DNAH11: variants seen among roughly 807,000 people sequenced by gnomAD.
DNAH11 encodes the protein axonemal beta dynein heavy chain 11.
Under a neutral mutation model 526.0 loss-of-function variants are expected in DNAH11, and 442 were observed. The observed-to-expected ratio is 0.84, with a 90% CI of 0.78 to 0.91. DNAH11 has a LOEUF of 0.91. Ranked by LOEUF, DNAH11 falls within the 40% of genes least tolerant of loss-of-function variation. The pLI is 0.00. For synonymous variants in DNAH11, 2,461 were observed against 1,935.9 expected (o/e 1.27, Z -7.12); for missense variants, 6,989 against 5,448.7 (o/e 1.28, Z -8.90).
chr7:21,630,904 A>G (rs1786571906), intron 25 of DNAH11, among the ~76,000 whole-genome samples: 2 of 152,146 alleles, frequency 1.3e-5, no homozygotes, highest in African/African-American at 2.4e-5. Context: ...TATCTTGTAG[A>G]CAATCTTCAC....
chr7:21,901,013 G>T lies in DNAH11; in HGVS notation c.13310G>T (p.Arg4437Leu), dbSNP rs775606157. The change falls in exon 82 of 82, where the codon CGC (arginine) becomes CTC (leucine). Residue 4437 changes from arginine (R) to leucine (L), a missense_variant. Arg to Leu is a moderately radical substitution (Grantham distance 102, BLOSUM62 -2). Coordinates refer to ENST00000409508, the MANE Select transcript of DNAH11 (RefSeq NM_001277115.2). ...YLHGLFMEGA[R>L]WDTQAGTIVE... ...CGCTGTGTTTTTGCCATAGGCGCCC[G>T]CTGGGACACCCAAGCAGGAACCATT... 7 of 1,591,276 alleles carry T rather than the reference G, an allele frequency of 4.4e-6. No individual in the cohort carries two copies. Among genetic ancestry groups the T allele is most frequent in the Non-Finnish European group, 6.0e-6 (7 of 1,168,448 alleles).
intron 40 of DNAH11, among the ~76,000 whole-genome samples, chr7:21,709,733 C>G (rs951012002): frequency 3.3e-5 from 5 of 152,068 alleles, no homozygotes; most frequent in Admixed American, 3.3e-4. Flanking sequence ...GGGAGAGAAT[C>G]GTATCTGTTT....
At chr7:21,605,167 C>G (rs1461122710) in intron 18 of DNAH11, among the ~76,000 whole-genome samples, 1 of 152,164 alleles carries the variant, frequency 6.6e-6, no homozygotes, top group Non-Finnish European at 1.5e-5. Context: ...AGTATTTAGA[C>G]CTAGCACAGT....
chr7:21,872,135 A>AAAAAAAAAAAC (rs1783523066), intron 73 of DNAH11, among the ~76,000 whole-genome samples: 1 of 137,242 alleles, frequency 7.3e-6, no homozygotes, highest in African/African-American at 2.9e-5. Context: ...AAAAAAAAAA[A>AAAAAAAAAAAC]AAAAAAAAAA....
intron 35 of DNAH11, 141 bp downstream of exon 35, chr7:21,691,022 CAG>C: frequency 1.6e-6 from 1 of 627,384 alleles, no homozygotes; most frequent in Non-Finnish European, 2.8e-6. Flanking sequence ...CTTTTATAGA[CAG>C]AACTTTCACC....
chr7:21,606,548 C>G lies in DNAH11; in HGVS notation c.3765+6C>G, dbSNP rs754512884. Reference sequence around the variant, plus strand: ...AAAAATGTATTTTGTTTGACGTAAGCTAGTTACCAAGTTTTTGTTTTAAGA... The same window carrying G: ...AAAAATGTATTTTGTTTGACGTAAGGTAGTTACCAAGTTTTTGTTTTAAGA... On this transcript the variant is annotated splice_donor_region_variant and intron_variant, in intron 19 of 81. Coordinates refer to ENST00000409508, the MANE Select transcript of DNAH11 (RefSeq NM_001277115.2). 1.1e-5 allele frequency: 18 copies of G among 1,599,672 alleles called. No individual in the cohort carries two copies. Among genetic ancestry groups the G allele is most frequent in the Admixed American group, 1.7e-5 (1 of 58,042 alleles).
intron 60 of DNAH11, among the ~76,000 whole-genome samples, chr7:21,787,931 T>C (rs1788264143): frequency 6.6e-6 from 1 of 152,214 alleles, no homozygotes; most frequent in African/African-American, 2.4e-5. Flanking sequence ...AAATGAAATG[T>C]AGCGCCTGCT....
intron 42 of DNAH11, among the ~76,000 whole-genome samples, chr7:21,716,610 C>T (rs533682523): frequency 2.6e-5 from 4 of 152,302 alleles, no homozygotes; most frequent in Non-Finnish European, 5.9e-5. Flanking sequence ...AAAGATTCCA[C>T]TTTCCACTCT....
chr7:21,723,564 A>AT lies in DNAH11; in HGVS notation c.7267-2241dup, dbSNP rs140320435. ...CATCATCCACTCAGCAGTCAGGGTG[A>AT]TTTTTTGAAATGCACGTGAAATCCT... On this transcript the variant is annotated intron_variant, in intron 44 of 81. Coordinates refer to ENST00000409508, the MANE Select transcript of DNAH11 (RefSeq NM_001277115.2). 5.0e-3 allele frequency among the ~76,000 whole-genome samples: 757 copies of AT among 152,312 alleles called. 6 individuals carry two copies. Among genetic ancestry groups the AT allele is most frequent in the African/African-American group, 0.017 (724 of 41,558 alleles).
intron 64 of DNAH11, among the ~76,000 whole-genome samples, chr7:21,817,792 T>G (rs1344217076): frequency 6.6e-6 from 1 of 152,040 alleles, no homozygotes; most frequent in East Asian, 1.9e-4. Context: ...AATAAAATGA[T>G]AGCTCACCAT....
intron 26 of DNAH11, 37 bp downstream of exon 26, chr7:21,636,132 G>A (rs563684941): frequency 5.3e-6 from 8 of 1,502,654 alleles, no homozygotes; most frequent in Non-Finnish European, 7.2e-6. Context: ...TTCTAGCAAA[G>A]TTTTGTAAAG....
intron 61 of DNAH11, among the ~76,000 whole-genome samples, chr7:21,790,332 C>T (rs1275861965): frequency 1.3e-5 from 2 of 151,986 alleles, no homozygotes; most frequent in Non-Finnish European, 2.9e-5. Flanking sequence ...TGACTGTAGT[C>T]CCAGCTACTC....
At chr7:21,631,848 T>C (rs1228525335) in intron 25 of DNAH11, among the ~76,000 whole-genome samples, 2 of 152,180 alleles carry the variant, frequency 1.3e-5, no homozygotes, top group African/African-American at 4.8e-5. Flanking sequence ...ACAGTGGCCC[T>C]CTTCTCATGG....
At chr7:21,873,842 G>C (rs1395553253) in intron 74 of DNAH11, among the ~76,000 whole-genome samples, 1 of 136,286 alleles carries the variant, frequency 7.3e-6, no homozygotes, top group African/African-American at 2.8e-5. Flanking sequence ...CCAGGCTGGA[G>C]TGCAGTGGCA....
At chr7:21,618,745 C>T (rs534791790) in intron 23 of DNAH11, among the ~76,000 whole-genome samples, 1 of 152,162 alleles carries the variant, frequency 6.6e-6, no homozygotes, top group African/African-American at 2.4e-5. Context: ...TGAGCCACTA[C>T]CTGATTCCTG....
chr7:21,813,820 T>C lies in DNAH11; in HGVS notation c.10333-2647T>C, dbSNP rs551606308. Among the ~76,000 whole-genome samples the C allele has an allele frequency of 4.5e-4, 69 of 152,354 alleles. No homozygotes were observed. In the South Asian group the frequency reaches 5.4e-3, roughly 12 times the overall value. On this transcript the variant is annotated intron_variant, in intron 63 of 81. Coordinates refer to ENST00000409508, the MANE Select transcript of DNAH11 (RefSeq NM_001277115.2). ...CTGACTCTAGAAGCAGACTTTGAAC[T>C]TAAAGGGTTCCCTCTTTGCACGTGG...
chr7:21,789,456 C>G (rs965897514), intron 61 of DNAH11, 114 bp downstream of exon 61: 1 of 635,408 alleles, frequency 1.6e-6, no homozygotes, highest in Non-Finnish European at 2.7e-6. Flanking sequence ...GAAAGGAATT[C>G]GATCTTCCAT....
At chr7:21,596,926 T>A (rs1784884843) in intron 14 of DNAH11, among the ~76,000 whole-genome samples, 1 of 152,374 alleles carries the variant, frequency 6.6e-6, no homozygotes, top group African/African-American at 2.4e-5. Flanking sequence ...ATTATTTTCC[T>A]CTTGACTTAG....
intron 55 of DNAH11, among the ~76,000 whole-genome samples, chr7:21,769,329 G>A (rs151079906): frequency 2.6e-5 from 4 of 152,312 alleles, no homozygotes; most frequent in Middle Eastern, 3.4e-3. Flanking sequence ...AGTTGAAGGT[G>A]TAATTGACTT....
Sources: gnomAD v4.1 joint callset for allele counts (sites outside exome capture counted in the v4.1 genomes callset) on GRCh38, gnomAD v4.1.1 for gene constraint, MANE v1.5 for transcripts, NCBI Gene and HGNC (gene_info 2026-07-23, HGNC 2026-07-21) for gene names.